GRIK1: variants seen among roughly 807,000 people sequenced by gnomAD.
The protein encoded by GRIK1 is glutamate ionotropic receptor kainate type subunit 1, also known as glutamate receptor ionotropic, kainate 1.
In GRIK1, 69 loss-of-function variants were observed where a neutral mutation model predicts 105.7. That is an observed-to-expected ratio of 0.65 (90% CI 0.54 to 0.80). The LOEUF (loss-of-function observed/expected upper bound fraction) is 0.80, where lower values mean the gene tolerates loss of function less well. GRIK1 is among the 30% of genes least tolerant of loss of function. The pLI is 0.00. For synonymous variants in GRIK1, 438 were observed against 431.3 expected (o/e 1.02, Z -0.19); for missense variants, 1,109 against 1,167.3 (o/e 0.95, Z 0.73).
chr21:29,594,506 A>G (rs1383468760), intron 9 of GRIK1, among the ~76,000 whole-genome samples: 2 of 152,178 alleles, frequency 1.3e-5, no homozygotes, highest in Non-Finnish European at 2.9e-5. Context: ...TGGAGGGTGG[A>G]TCAGTTACTT....
chr21:29,864,475 T>C (rs1969128936), intron 1 of GRIK1, among the ~76,000 whole-genome samples: 1 of 152,176 alleles, frequency 6.6e-6, no homozygotes, highest in Admixed American at 6.5e-5. Context: ...TGTGAGAGAA[T>C]TCTCAATTTT....
intron 14 of GRIK1, among the ~76,000 whole-genome samples, chr21:29,576,317 A>C (rs2090892544): frequency 6.6e-6 from 1 of 152,208 alleles, no homozygotes. Context: ...CTCAACAATG[A>C]AATGCCCTTG....
rs557514730 is a variant in GRIK1 at position 29,744,139 on chromosome 21, T to G, written c.119-50076A>C. Among the ~76,000 whole-genome samples, 11 of 152,300 alleles carry G rather than the reference T, an allele frequency of 7.2e-5. No homozygotes were observed. The South Asian group carries it at 2.3e-3, about 32-fold the overall frequency. ...GTTATAAGTTATAAAAATAAAATTC[T>G]TGAGGATGGATGAGCCAAGGGAGTT... On this transcript the variant is annotated intron_variant, in intron 1 of 17. Transcript: ENST00000327783.
At chr21:29,619,117 C>A (rs1427721062) in intron 7 of GRIK1, among the ~76,000 whole-genome samples, 1 of 90,490 alleles carries the variant, frequency 1.1e-5, no homozygotes, top group Non-Finnish European at 2.1e-5. Context: ...CAGAGCGAGA[C>A]TCCGTCAAAA....
rs2063272156 is a variant in GRIK1, at chr21:29,676,602, G to C, written c.545-3438C>G. Among the ~76,000 whole-genome samples the C allele has an allele frequency of 2.0e-5, 3 of 152,128 alleles. No homozygotes were observed. The South Asian group carries it at 6.2e-4, about 32-fold the overall frequency. On this transcript the variant is annotated intron_variant, in intron 3 of 17. Transcript: ENST00000327783. Reference sequence around the variant, plus strand: ...TCTCGTGTGGATGCCAGCCCTGATGGAGTGACCCAACCCTGCCAGAACCCC... The same window carrying C: ...TCTCGTGTGGATGCCAGCCCTGATGCAGTGACCCAACCCTGCCAGAACCCC...
intron 1 of GRIK1, among the ~76,000 whole-genome samples, chr21:29,766,221 A>G (rs2065664047): frequency 6.6e-6 from 1 of 152,102 alleles, no homozygotes; most frequent in Non-Finnish European, 1.5e-5. Flanking sequence ...TTAAAACAAA[A>G]TCCTTCCAAG....
chr21:29,922,567 A>T (rs916471574), intron 1 of GRIK1, among the ~76,000 whole-genome samples: 1 of 152,188 alleles, frequency 6.6e-6, no homozygotes, highest in African/African-American at 2.4e-5. Flanking sequence ...GAAAAAAATT[A>T]TGATCTATAT....
At chr21:29,888,199 C>CTTTCTTTCTTTCTTTCTTTCTTTTT in intron 1 of GRIK1, among the ~76,000 whole-genome samples, 1 of 15,816 alleles carries the variant, frequency 6.3e-5, no homozygotes, top group South Asian at 3.7e-3. Flanking sequence ...CTTTCTTTCT[C>CTTTCTTTCTTTCTTTCTTTCTTTTT]TCTCTCTCTC....
chr21:29,775,255 G>A (rs1233723009), intron 1 of GRIK1, among the ~76,000 whole-genome samples: 8 of 136,046 alleles, frequency 5.9e-5, no homozygotes, highest in Admixed American at 1.6e-4. Context: ...CAGCCTGGGC[G>A]ACAGAGTGAG....
chr21:29,811,211 G>A (rs1377743852), intron 1 of GRIK1, among the ~76,000 whole-genome samples: 1 of 152,064 alleles, frequency 6.6e-6, no homozygotes, highest in Non-Finnish European at 1.5e-5. Flanking sequence ...AGGGGAAGCT[G>A]GACAAGAGGA....
At chr21:29,800,960 A>T (rs564727709) in intron 1 of GRIK1, among the ~76,000 whole-genome samples, 7 of 152,310 alleles carry the variant, frequency 4.6e-5, no homozygotes, top group African/African-American at 1.7e-4. Flanking sequence ...CTCCAAAGCC[A>T]GCAACTGGTT....
At chr21:29,888,015 CA>C (rs1298808307) in intron 1 of GRIK1, among the ~76,000 whole-genome samples, 1 of 151,180 alleles carries the variant, frequency 6.6e-6, no homozygotes, top group Non-Finnish European at 1.5e-5. Context: ...TGGTAAAAAC[CA>C]ACTCCCCAAA....
At chr21:29,667,304 T>A (rs1371122848) in intron 4 of GRIK1, among the ~76,000 whole-genome samples, 3 of 152,170 alleles carry the variant, frequency 2.0e-5, no homozygotes, top group Non-Finnish European at 2.9e-5. Flanking sequence ...ACAACATATA[T>A]GAGGAGAGAA....
chr21:29,822,540 A>G (rs750542678), intron 1 of GRIK1, among the ~76,000 whole-genome samples: 4 of 152,054 alleles, frequency 2.6e-5, no homozygotes, highest in Non-Finnish European at 5.9e-5. Flanking sequence ...AACCCCTTGC[A>G]ACAAGCTGTT....
intron 4 of GRIK1, among the ~76,000 whole-genome samples, chr21:29,666,761 T>G (rs1025575652): frequency 2.6e-5 from 4 of 152,224 alleles, no homozygotes; most frequent in African/African-American, 9.6e-5. Context: ...ATGAAACACC[T>G]TCGTTCAAGA....
intron 1 of GRIK1, among the ~76,000 whole-genome samples, chr21:29,716,202 C>T (rs987738368): frequency 6.6e-6 from 1 of 152,138 alleles, no homozygotes. Flanking sequence ...TCAATTAAAC[C>T]TCTTTTCATT....
intron 1 of GRIK1, among the ~76,000 whole-genome samples, chr21:29,739,679 AATTTTATAGTG>A (rs1478264584): frequency 2.0e-5 from 3 of 152,184 alleles, no homozygotes; most frequent in Admixed American, 2.0e-4. Flanking sequence ...TATGTAAACA[AATTTTATAGTG>A]ATTTTAAATA....
chr21:29,655,740 C>T (rs919733316), intron 4 of GRIK1, among the ~76,000 whole-genome samples: 1 of 152,106 alleles, frequency 6.6e-6, no homozygotes. Flanking sequence ...ACTATTCTGA[C>T]ACCAATTTCA....
At chr21:29,894,631 C>T (rs914415713) in intron 1 of GRIK1, among the ~76,000 whole-genome samples, 1 of 152,090 alleles carries the variant, frequency 6.6e-6, no homozygotes, top group Non-Finnish European at 1.5e-5. Flanking sequence ...CAATACTTTG[C>T]GTCCTTCAAT....
Sources: gnomAD v4.1 joint callset for allele counts (sites outside exome capture counted in the v4.1 genomes callset) on GRCh38, gnomAD v4.1.1 for gene constraint, MANE v1.5 for transcripts, NCBI Gene and HGNC (gene_info 2026-07-23, HGNC 2026-07-21) for gene names.